POLR2L: variants seen among roughly 807,000 people sequenced by gnomAD.
POLR2L encodes the protein DNA-directed RNA polymerases I, II, and III subunit RPABC5.
A neutral mutation model predicts 6.8 loss-of-function variants in POLR2L; 7 were observed. The observed-to-expected ratio is 1.03, with a 90% CI of 0.59 to 1.94. The LOEUF is 1.94. POLR2L is among the 30% of genes most tolerant of loss of function. The probability of loss-of-function intolerance (pLI) is 0.00; values close to 1 mark genes in which losing one functional copy is unlikely to be tolerated. For synonymous variants in POLR2L, 59 were observed against 39.8 expected, an observed-to-expected ratio of 1.48 and a Z score of -1.82; for missense variants, 93 against 86.7, an observed-to-expected ratio of 1.07 and a Z score of -0.29.
At position 842,070 on chromosome 11, in the gene POLR2L, A is replaced by C. The variant is rs555399843; in HGVS notation, c.95+344T>G. Among the ~76,000 whole-genome samples, 6 of 149,242 alleles carry C rather than the reference A, an allele frequency of 4.0e-5. No individual in the cohort carries two copies. In the East Asian group the frequency reaches 5.8e-4, roughly 15 times the overall value. On this transcript the variant is annotated intron_variant, in intron 1 of 1. Coordinates refer to ENST00000322028, the MANE Select transcript of POLR2L (RefSeq NM_021128.5). Reference sequence around the variant, plus strand: ...CCCGTCCTGCAGCGAGGTTTGCAGGACATGGGGTGGGCCTGGGGGCAGAGA... The same window carrying C: ...CCCGTCCTGCAGCGAGGTTTGCAGGCCATGGGGTGGGCCTGGGGGCAGAGA...
At position 842,496 on chromosome 11, in the gene POLR2L, C is replaced by A. The variant is rs773695662; in HGVS notation, c.13G>T (p.Val5Leu). 1.6e-5 allele frequency: 26 copies of A among 1,582,018 alleles called. No homozygotes were observed. Among genetic ancestry groups the A allele is most frequent in the Admixed American group, 5.3e-5 (3 of 56,112 alleles). Residue 5 changes from valine (V) to leucine (L), a missense_variant, in exon 1 of 2, where the codon GTA becomes TTA. By Grantham distance (32) the Val-to-Leu change is conservative. Coordinates refer to ENST00000322028, the MANE Select transcript of POLR2L (RefSeq NM_021128.5). MIIP[V>L]RCFTCGKIVG... ...ATCTTGCCACAAGTGAAGCAGCGTA[C>A]AGGGATGATCATGGCGGCGGCGCGT...
At chr11:841,349 C>T (rs1846960689) in intron 1 of POLR2L, among the ~76,000 whole-genome samples, 1 of 152,238 alleles carries the variant, frequency 6.6e-6, no homozygotes, top group South Asian at 2.1e-4. Flanking sequence ...GTGACAGCAG[C>T]ACCAAGGGAC....
At chr11:841,456 C>T (rs998395060) in intron 1 of POLR2L, among the ~76,000 whole-genome samples, 2 of 152,122 alleles carry the variant, frequency 1.3e-5, no homozygotes, top group Non-Finnish European at 1.5e-5. Context: ...GTGCGTGAGA[C>T]GGAGTTTCAC....
chr11:842,381 G>T, intron 1 of POLR2L, 33 bp downstream of exon 1: 3 of 1,500,618 alleles, frequency 2.0e-6, no homozygotes, highest in Non-Finnish European at 2.7e-6. Context: ...GCCCCACGGC[G>T]GACTCAGCCC....
At chr11:840,508 A>C in intron 1 of POLR2L, 28 bp from the exon 2 acceptor site, 2 of 1,489,352 alleles carry the variant, frequency 1.3e-6, no homozygotes, top group Non-Finnish European at 1.9e-6. Context: ...GCAGAGGCCA[A>C]CTGAGTTCTC....
rs35161470 is a variant in POLR2L at position 840,181 on chromosome 11, C to T, written c.*191G>A. 23,164 of 539,008 alleles carry T rather than the reference C, an allele frequency of 0.043. 636 individuals carry two copies. Among genetic ancestry groups the T allele is most frequent in the Non-Finnish European group, 0.054 (16,376 of 304,504 alleles). The allele number at this position is 539,008 out of a possible 1,614,324, so 33.4% of individuals were successfully genotyped here. On this transcript the variant is annotated 3_prime_UTR_variant, in exon 2 of 2. Transcript: ENST00000322028. Reference sequence around the variant, plus strand: ...TGGGCCTAGACCTGGCTCCTGACATCCTAGTGAGGGCTGGGACCTTAGTGG... The same window carrying T: ...TGGGCCTAGACCTGGCTCCTGACATTCTAGTGAGGGCTGGGACCTTAGTGG...
chr11:841,019 C>T (rs1248418073), intron 1 of POLR2L, among the ~76,000 whole-genome samples: 1 of 152,224 alleles, frequency 6.6e-6, no homozygotes, highest in Non-Finnish European at 1.5e-5. Context: ...TAGAAGCTTT[C>T]ATTTCCCTGG....
At position 840,286 on chromosome 11, in the gene POLR2L, G is replaced by A. The variant is rs896138669; in HGVS notation, c.*86C>T. 2.5e-6 allele frequency: 2 copies of A among 810,758 alleles called. No homozygotes were observed. Among genetic ancestry groups the A allele is most frequent in the South Asian group, 1.5e-5 (1 of 64,596 alleles). The allele number at this position is 810,758 out of a possible 1,614,324, so 50.2% of individuals were successfully genotyped here. ...CACACTGCGGCCAGGCATTACGCCA[G>A]CTCCCGGATGCCTCAGCCTCGTGAA... On this transcript the variant is annotated 3_prime_UTR_variant, in exon 2 of 2. Coordinates refer to ENST00000322028, the MANE Select transcript of POLR2L (RefSeq NM_021128.5).
In POLR2L at chr11:840,320, A is replaced by G. The variant is rs1846926434; in HGVS notation, c.*52T>C. The G allele has an allele frequency of 1.7e-6, 2 of 1,204,966 alleles. No homozygotes were observed. The highest frequency in any genetic ancestry group is 2.4e-6 in the Non-Finnish European group (2 of 830,818). 74.6% of individuals were successfully genotyped at this position (1,204,966 alleles called of 1,614,324 possible). A position where few individuals can be genotyped will look rare whatever the true frequency, so the allele number is the denominator to read the frequency against. Reference sequence around the variant, plus strand: ...TGCCTCAGCCTCGTGAATTCGGGGCAGGACGCTCAGGGCCCATGGTCAGCA... The same window carrying G: ...TGCCTCAGCCTCGTGAATTCGGGGCGGGACGCTCAGGGCCCATGGTCAGCA... On this transcript the variant is annotated 3_prime_UTR_variant, in exon 2 of 2. Transcript: ENST00000322028.
intron 1 of POLR2L, 100 bp from the exon 2 acceptor site, chr11:840,580 C>CT: frequency 1.7e-6 from 1 of 598,782 alleles, no homozygotes; most frequent in Non-Finnish European, 2.7e-6. Flanking sequence ...CTGGCCTCAC[C>CT]CCCCCCGCCA....
rs767031962 is a variant in POLR2L, at chr11:840,350, G to A, written c.*22C>T. Reference sequence around the variant, plus strand: ...GCTCAGGGCCCATGGTCAGCACAGCGGGTGGGTGGGTTCCAGCGTGGTCAC... The same window carrying A: ...GCTCAGGGCCCATGGTCAGCACAGCAGGTGGGTGGGTTCCAGCGTGGTCAC... On this transcript the variant is annotated 3_prime_UTR_variant, in exon 2 of 2. Coordinates refer to ENST00000322028, the MANE Select transcript of POLR2L (RefSeq NM_021128.5). The A allele has an allele frequency of 4.7e-6, 7 of 1,474,928 alleles. No homozygotes were observed. Among genetic ancestry groups the A allele is most frequent in the African/African-American group, 2.8e-5 (2 of 72,262 alleles). 91.4% of individuals were successfully genotyped at this position (1,474,928 alleles called of 1,614,324 possible).
intron 1 of POLR2L, among the ~76,000 whole-genome samples, chr11:840,717 G>A (rs767352990): frequency 6.6e-6 from 1 of 152,216 alleles, no homozygotes; most frequent in Non-Finnish European, 1.5e-5. Flanking sequence ...CACCTACTCT[G>A]GCTGTACGTG....
Position 842,470 on chromosome 11 carries a change from G to A in POLR2L, c.39C>T (p.Ile13=), listed in dbSNP as rs1207285573. The A allele has an allele frequency of 2.5e-6, 4 of 1,596,598 alleles. No individual in the cohort carries two copies. Among genetic ancestry groups the A allele is most frequent in the African/African-American group, 1.4e-5 (1 of 72,820 alleles). The change falls in exon 1 of 2, where the codon ATC becomes ATT. Residue 13 remains isoleucine (I), a synonymous_variant. Coordinates refer to ENST00000322028, the MANE Select transcript of POLR2L (RefSeq NM_021128.5). The part of the protein sequence containing the change: ...IPVRCFTCGK[I]VGNKWEAYLG... ...GGTAAGCCTCCCACTTGTTGCCGAC[G>A]ATCTTGCCACAAGTGAAGCAGCGTA...
At chr11:841,066 C>T (rs1846952116) in intron 1 of POLR2L, among the ~76,000 whole-genome samples, 1 of 152,238 alleles carries the variant, frequency 6.6e-6, no homozygotes, top group South Asian at 2.1e-4. Flanking sequence ...CTCCAGAAAA[C>T]TCCCACACCG....
At chr11:840,868 C>G (rs562198925) in intron 1 of POLR2L, among the ~76,000 whole-genome samples, 1 of 152,318 alleles carries the variant, frequency 6.6e-6, no homozygotes, top group South Asian at 2.1e-4. Flanking sequence ...TCTCCAGGGG[C>G]CTGCCCTTAG....
rs1293292481 is a variant in POLR2L, at chr11:840,291, C to T, written c.*81G>A. The T allele has an allele frequency of 3.6e-5, 31 of 853,916 alleles. No individual in the cohort carries two copies. The highest frequency in any genetic ancestry group is 2.3e-4 in the Middle Eastern group (1 of 4,332). 52.9% of individuals were successfully genotyped at this position (853,916 alleles called of 1,614,324 possible). ...TGCGGCCAGGCATTACGCCAGCTCC[C>T]GGATGCCTCAGCCTCGTGAATTCGG... On this transcript the variant is annotated 3_prime_UTR_variant, in exon 2 of 2. Transcript: ENST00000322028.
At chr11:841,014 G>C (rs2133967401) in intron 1 of POLR2L, among the ~76,000 whole-genome samples, 1 of 152,294 alleles carries the variant, frequency 6.6e-6, no homozygotes, top group African/African-American at 2.4e-5. Context: ...CCAATTAGAA[G>C]CTTTCATTTC....
At chr11:841,284 G>C (rs35702851) in intron 1 of POLR2L, among the ~76,000 whole-genome samples, 29,707 of 152,180 alleles carry the variant, frequency 0.2, 3,153 homozygotes, top group South Asian at 0.42. Context: ...ATGTGACGAA[G>C]ACTCAGTGGG....
intron 1 of POLR2L, 90 bp from the exon 2 acceptor site, chr11:840,570 C>T: frequency 3.7e-6 from 3 of 813,106 alleles, no homozygotes; most frequent in Non-Finnish European, 3.9e-6. Context: ...TCACTGCCTG[C>T]TGGCCTCACC....
Sources: gnomAD v4.1 joint callset for allele counts (sites outside exome capture counted in the v4.1 genomes callset) on GRCh38, gnomAD v4.1.1 for gene constraint, MANE v1.5 for transcripts, NCBI Gene and HGNC (gene_info 2026-07-23, HGNC 2026-07-21) for gene names.